ABCC2: variants seen among roughly 807,000 people sequenced by gnomAD.
ABCC2 encodes the protein ATP binding cassette subfamily C member 2, also known as ATP-binding cassette sub-family C member 2.
Under a neutral mutation model 173.4 loss-of-function variants are expected in ABCC2, and 157 were observed. The observed-to-expected ratio is 0.91, with a 90% CI of 0.80 to 1.03. The LOEUF (loss-of-function observed/expected upper bound fraction) is 1.03, where lower values mean the gene tolerates loss of function less well. Among genes scored for constraint, ABCC2 ranks in the 50% least tolerant of loss-of-function variants. The pLI is 0.00. For synonymous variants in ABCC2, 657 were observed against 693.5 expected, an observed-to-expected ratio of 0.95 and a Z score of 0.83; for missense variants, 1,822 against 1,852.3, an observed-to-expected ratio of 0.98 and a Z score of 0.30.
chr10:99,803,506 C>T (rs1251138272), intron 9 of ABCC2, among the ~76,000 whole-genome samples: 1 of 152,128 alleles, frequency 6.6e-6, no homozygotes, highest in African/African-American at 2.4e-5. Context: ...CCTTTTCTTC[C>T]ATCCCTCAGT....
chr10:99,808,026 C>G, intron 12 of ABCC2, 57 bp from the exon 13 acceptor site: 1 of 1,595,538 alleles, frequency 6.3e-7, no homozygotes, highest in Non-Finnish European at 8.6e-7. Context: ...TGAAACTTAG[C>G]ACAATGCTGC....
At chr10:99,843,717 G>A (rs1590191661) in intron 26 of ABCC2, 82 bp from the exon 27 acceptor site, 2 of 1,136,356 alleles carry the variant, frequency 1.8e-6, no homozygotes, top group Non-Finnish European at 2.7e-6. Context: ...TACAAAGTCG[G>A]CACTGGATTG....
At position 99,793,624 on chromosome 10, in the gene ABCC2, G is replaced by A. The variant is rs748801711; in HGVS notation, c.407G>A (p.Trp136Ter). The A allele has an allele frequency of 1.2e-6, 2 of 1,614,012 alleles. No homozygotes were observed. Among genetic ancestry groups the A allele is most frequent in the Non-Finnish European group, 1.7e-6 (2 of 1,179,974 alleles). Residue 136 changes from tryptophan to a stop codon, truncating the protein, a stop_gained, in exon 4 of 32, where the codon TGG (tryptophan) becomes TAG (stop). Coordinates refer to ENST00000647814, the MANE Select transcript of ABCC2 (RefSeq NM_000392.5). LOFTEE classifies it high-confidence loss of function. ...QKNSWFLSLFWILSILCGTFQ... is the reference protein window; with the variant it reads ...QKNSWFLSLF ...AACTCCTGGTTCCTGTCCCTATTCT[G>A]GATTCTCTCGATACTCTGTGGCACT...
Position 99,818,963 on chromosome 10 carries a change from A to C in ABCC2, c.2439+6A>C, listed in dbSNP as rs1564688760. The C allele has an allele frequency of 1.2e-6, 2 of 1,614,086 alleles. No individual in the cohort carries two copies. Among genetic ancestry groups the C allele is most frequent in the African/African-American group, 2.7e-5 (2 of 74,942 alleles). ...ATGGCCTGTTGAAAGGCAAGGTGAG[A>C]AATCATTGAACATGATGAAGATATA... On this transcript the variant is annotated splice_donor_region_variant and intron_variant, in intron 18 of 31. Transcript: ENST00000647814.
chr10:99,801,624 T>C (rs2038017218), intron 9 of ABCC2, among the ~76,000 whole-genome samples: 1 of 152,212 alleles, frequency 6.6e-6, no homozygotes, highest in Admixed American at 6.5e-5. Flanking sequence ...TTTTGTTCCT[T>C]AAGAAATGAA....
intron 7 of ABCC2, chr10:99,797,563 G>C (rs973343290): frequency 9.4e-6 from 5 of 533,360 alleles, no homozygotes; most frequent in Non-Finnish European, 1.7e-5. Context: ...AATGAAACGT[G>C]GTTTTGAAAA....
At position 99,818,898 on chromosome 10, in the gene ABCC2, C is replaced by T. The variant is rs201303732; in HGVS notation, c.2380C>T (p.His794Tyr). The T allele has an allele frequency of 1.5e-4, 244 of 1,613,784 alleles. No homozygotes were observed. The highest frequency in any genetic ancestry group is 1.9e-4 in the Non-Finnish European group (230 of 1,179,960). Residue 794 changes from histidine (H) to tyrosine (Y), a missense_variant, in exon 18 of 32, where the codon CAT becomes TAT. By Grantham distance (83) the His-to-Tyr change is moderately conservative. Transcript: ENST00000647814. ...TGACCCCCTGTCTGCAGTGGATGCTCATGTAGGAAAACATATTTTTAATAA... is the reference window on the plus strand; with the variant it reads ...TGACCCCCTGTCTGCAGTGGATGCTTATGTAGGAAAACATATTTTTAATAA... Reference protein sequence around the residue: ...LDDPLSAVDAHVGKHIFNKVL... With the variant: ...LDDPLSAVDAYVGKHIFNKVL...
chr10:99,820,636 G>A (rs543348792), intron 19 of ABCC2, among the ~76,000 whole-genome samples: 1 of 152,332 alleles, frequency 6.6e-6, no homozygotes, highest in South Asian at 2.1e-4. Context: ...GAAGTCTGTA[G>A]CTTTGGAAGG....
At position 99,843,800 on chromosome 10, in the gene ABCC2, T is replaced by A. The variant is rs2038978476; in HGVS notation, c.3743T>A (p.Ile1248Asn). The A allele has an allele frequency of 1.2e-6, 2 of 1,613,648 alleles. No homozygotes were observed. Among genetic ancestry groups the A allele is most frequent in the East Asian group, 4.5e-5 (2 of 44,888 alleles). The change falls in exon 27 of 32, where the codon ATC (isoleucine) becomes AAC (asparagine). Residue 1248 changes from isoleucine (I) to asparagine (N), a missense_variant and splice_region_variant. Coordinates refer to ENST00000647814, the MANE Select transcript of ABCC2 (RefSeq NM_000392.5). ...VGFVLSNALN[I>N]TQTLNWLVRM... is the part of the protein sequence containing the mutation. ...TTCAGTCTTCTGGTTTTTCTGTAGA[T>A]CACACAAACCCTGAACTGGCTGGTG...
chr10:99,818,718 A>G, intron 17 of ABCC2, 72 bp from the exon 18 acceptor site: 2 of 1,569,648 alleles, frequency 1.3e-6, no homozygotes, highest in Admixed American at 3.3e-5. Flanking sequence ...TCTTCCTTTT[A>G]CCCCTCCCTA....
Position 99,834,151 on chromosome 10 carries a change from G to A in ABCC2, c.3259-229G>A, listed in dbSNP as rs185729963. On this transcript the variant is annotated intron_variant, in intron 23 of 31. Transcript: ENST00000647814. ...CCCGCCTCGGCCTTGCAAAGTGCTG[G>A]GATTACAGGTGTGACCACCACGCCA... Among the ~76,000 whole-genome samples the A allele has an allele frequency of 9.9e-4, 151 of 152,264 alleles. 1 individual carries two copies. Among genetic ancestry groups the A allele is most frequent in the Admixed American group, 1.7e-3 (26 of 15,296 alleles).
intron 30 of ABCC2, among the ~76,000 whole-genome samples, chr10:99,849,543 T>TG (rs2039061053): frequency 6.6e-6 from 1 of 152,216 alleles, no homozygotes; most frequent in African/African-American, 2.4e-5. Context: ...GACTAAAACT[T>TG]ACATTTCTCT....
chr10:99,814,183 G>GTATACACACGTGTGTATA lies in ABCC2; in HGVS notation c.2094+1048_2094+1049insGTGTGTATATATACACAC, dbSNP rs2038283191. 5.1e-5 allele frequency among the ~76,000 whole-genome samples: 4 copies of GTATACACACGTGTGTATA among 79,088 alleles called. 1 individual carries two copies. In the East Asian group the frequency reaches 1.3e-3, roughly 26 times the overall value. The allele number at this position is 79,088 out of a possible 152,430, so 51.9% of individuals were successfully genotyped here. A position where few individuals can be genotyped will look rare whatever the true frequency, so the allele number is the denominator to read the frequency against. On this transcript the variant is annotated intron_variant, in intron 16 of 31. Transcript: ENST00000647814. ...CACACGTATATATACACACATGTAT[G>GTATACACACGTGTGTATA]TATACACACATGTGTATATATACAC...
At position 99,793,992 on chromosome 10, in the gene ABCC2, C is replaced by G. The variant is rs1207538473; in HGVS notation, c.569C>G (p.Ser190Ter). The G allele has an allele frequency of 1.2e-6, 2 of 1,601,894 alleles. No individual in the cohort carries two copies. Among genetic ancestry groups the G allele is most frequent in the Non-Finnish European group, 1.7e-6 (2 of 1,169,634 alleles). ...TCAGCATTTTCAGAAAATAATGAGT[C>G]ATCAAATGTGAGATTCTAAATATGC... ...IFSAFSENNESSNNPSSIASF... is the reference protein window; with the variant it reads ...IFSAFSENNE The change falls in exon 5 of 32, where the codon TCA becomes TGA. Residue 190 changes from serine (S) to a stop codon, truncating the protein, a stop_gained. Coordinates refer to ENST00000647814, the MANE Select transcript of ABCC2 (RefSeq NM_000392.5). LOFTEE classifies it high-confidence loss of function.
chr10:99,811,329 CAA>C (rs59066738), intron 14 of ABCC2, among the ~76,000 whole-genome samples: 15 of 133,718 alleles, frequency 1.1e-4, no homozygotes, highest in Non-Finnish European at 1.5e-4. Flanking sequence ...GACCATGACT[CAA>C]AAAAAAAAAA....
chr10:99,794,602 T>C, intron 6 of ABCC2, 134 bp downstream of exon 6: 1 of 845,588 alleles, frequency 1.2e-6, no homozygotes. Flanking sequence ...TGGAGTGCAA[T>C]GGTGTGATCT....
intron 5 of ABCC2, 25 bp downstream of exon 5, chr10:99,794,024 C>T: frequency 6.5e-7 from 1 of 1,545,058 alleles, no homozygotes; most frequent in South Asian, 1.1e-5. Context: ...ATGCCCATCT[C>T]ATATATTACT....
At chr10:99,831,474 C>T (rs1179833068) in intron 21 of ABCC2, 137 bp from the exon 22 acceptor site, 1 of 777,372 alleles carries the variant, frequency 1.3e-6, no homozygotes, top group Non-Finnish European at 2.3e-6. Context: ...GAAATGGTGA[C>T]CACAGACTAC....
In ABCC2 at chr10:99,800,379, C is replaced by G; in HGVS notation, c.1032-7C>G. ...TGGGTATAACTAACTTGGCTTTTCT[C>G]TGGCAGATTGCTGATCTCCTTTGCA... On this transcript the variant is annotated splice_polypyrimidine_tract_variant and splice_region_variant and intron_variant, in intron 8 of 31. Transcript: ENST00000647814. The G allele has an allele frequency of 6.2e-7, 1 of 1,614,132 alleles. No homozygotes were observed. The highest frequency in any genetic ancestry group is 8.5e-7 in the Non-Finnish European group (1 of 1,180,008).
Sources: gnomAD v4.1 joint callset for allele counts (sites outside exome capture counted in the v4.1 genomes callset) on GRCh38, gnomAD v4.1.1 for gene constraint, MANE v1.5 for transcripts, NCBI Gene and HGNC (gene_info 2026-07-23, HGNC 2026-07-21) for gene names.